Variants in NRXN3 observed in about 807,000 individuals in gnomAD.
NRXN3 encodes the protein neurexin III.
Under a neutral mutation model 137.6 loss-of-function variants are expected in NRXN3, and 32 were observed. That is an observed-to-expected ratio of 0.23 (90% confidence interval 0.18 to 0.31). The LOEUF (loss-of-function observed/expected upper bound fraction) is 0.31, where lower values mean the gene tolerates loss of function less well. Ranked by LOEUF, NRXN3 falls within the 10% of genes least tolerant of loss-of-function variation. The pLI is 1.00. For synonymous variants in NRXN3, 798 were observed against 784.5 expected (o/e 1.02, Z -0.29); for missense variants, 1,574 against 2,062.5 (o/e 0.76, Z 4.59).
At chr14:79,558,399 T>C (rs1419905131) in intron 16 of NRXN3, among the ~76,000 whole-genome samples, 1 of 152,126 alleles carries the variant, frequency 6.6e-6, no homozygotes, top group Non-Finnish European at 1.5e-5. Flanking sequence ...GACATGAAAG[T>C]CAAAATTATT....
chr14:78,685,830 T>C lies in NRXN3; in HGVS notation c.1222-23387T>C, dbSNP rs2098120877. Among the ~76,000 whole-genome samples, 6 of 150,806 alleles carry C rather than the reference T, an allele frequency of 4.0e-5. No individual in the cohort carries two copies. The South Asian group carries it at 1.1e-3, about 26-fold the overall frequency. ...TCTTTCTTTTTTTTTTTTTTTTGTA[T>C]TTAGTAAAGCCTGGGTTTCACAGTG... is the stretch of plus-strand genomic sequence containing the variant. On this transcript the variant is annotated intron_variant, in intron 6 of 20. Coordinates refer to ENST00000335750, the MANE Select transcript of NRXN3 (RefSeq NM_001330195.2).
At chr14:79,661,598 G>C (rs368450677) in intron 16 of NRXN3, 5 of 152,044 alleles carry the variant, frequency 3.3e-5, no homozygotes, top group African/African-American at 9.7e-5. Flanking sequence ...AGGTGTAGTA[G>C]GTGCTTAATA....
intron 4 of NRXN3, among the ~76,000 whole-genome samples, chr14:78,489,456 A>G (rs1274198492): frequency 6.6e-6 from 1 of 152,068 alleles, no homozygotes; most frequent in Non-Finnish European, 1.5e-5. Flanking sequence ...GAGGAATGGG[A>G]AAGTATGTTG....
chr14:79,078,411 G>A (rs919115942), intron 15 of NRXN3, among the ~76,000 whole-genome samples: 3 of 152,068 alleles, frequency 2.0e-5, no homozygotes, highest in Non-Finnish European at 4.4e-5. Flanking sequence ...TACAAATACT[G>A]CCTAGTGGCT....
intron 15 of NRXN3, among the ~76,000 whole-genome samples, chr14:79,424,189 T>A (rs1367405785): frequency 6.6e-6 from 1 of 152,216 alleles, no homozygotes; most frequent in East Asian, 1.9e-4. Context: ...ATACAGAGAC[T>A]ATCATATGGG....
chr14:78,228,520 G>T (rs924038160), intron 1 of NRXN3, among the ~76,000 whole-genome samples: 1 of 152,188 alleles, frequency 6.6e-6, no homozygotes, highest in African/African-American at 2.4e-5. Flanking sequence ...AATGGTCATG[G>T]CTAACATTTA....
At chr14:78,889,757 G>C (rs1432645462) in intron 10 of NRXN3, among the ~76,000 whole-genome samples, 1 of 151,956 alleles carries the variant, frequency 6.6e-6, no homozygotes, top group Non-Finnish European at 1.5e-5. Context: ...TTTGTTTACT[G>C]CAAGTGTGGG....
chr14:79,728,983 G>A (rs1461979528), intron 19 of NRXN3, among the ~76,000 whole-genome samples: 1 of 152,132 alleles, frequency 6.6e-6, no homozygotes, highest in Non-Finnish European at 1.5e-5. Context: ...AGATTCCTGT[G>A]CTACAGTAGA....
At chr14:78,294,808 T>C (rs1416653934) in intron 3 of NRXN3, among the ~76,000 whole-genome samples, 2 of 152,182 alleles carry the variant, frequency 1.3e-5, no homozygotes, top group African/African-American at 4.8e-5. Context: ...TGAGTATATA[T>C]GGCAAATGTG....
intron 15 of NRXN3, among the ~76,000 whole-genome samples, chr14:79,097,915 G>A (rs964874455): frequency 2.6e-5 from 4 of 152,090 alleles, no homozygotes; most frequent in Non-Finnish European, 5.9e-5. Flanking sequence ...ATATACATAC[G>A]AATTCCTAAT....
chr14:79,427,874 C>T (rs1408619149), intron 15 of NRXN3, among the ~76,000 whole-genome samples: 4 of 151,928 alleles, frequency 2.6e-5, no homozygotes, highest in African/African-American at 9.7e-5. Context: ...TCAAAGCAGC[C>T]ATTCATTTAT....
rs1411035085 is a variant in NRXN3, at chr14:79,740,711, TTTATATA to T, written c.4014+42776_4014+42782del. On this transcript the variant is annotated intron_variant, in intron 19 of 20. Coordinates refer to ENST00000335750, the MANE Select transcript of NRXN3 (RefSeq NM_001330195.2). ...TTCCACTGGACTTTGCATTTAGTTTTTTATATATATATATATATATATATATATATAT... is the reference window on the plus strand; with the variant it reads ...TTCCACTGGACTTTGCATTTAGTTTTTATATATATATATATATATATATAT... 1.2e-3 allele frequency among the ~76,000 whole-genome samples: 18 copies of T among 14,918 alleles called. 1 individual carries two copies. Among genetic ancestry groups the T allele is most frequent in the Non-Finnish European group, 1.6e-3 (15 of 9,222 alleles). 9.8% of individuals were successfully genotyped at this position (14,918 alleles called of 152,430 possible).
chr14:79,327,893 T>C (rs2091132197), intron 15 of NRXN3, among the ~76,000 whole-genome samples: 3 of 152,214 alleles, frequency 2.0e-5, no homozygotes. Flanking sequence ...AAAGCCTTTA[T>C]TTAGTTTGGC....
At chr14:78,765,440 A>G (rs2098705851) in intron 8 of NRXN3, among the ~76,000 whole-genome samples, 1 of 152,198 alleles carries the variant, frequency 6.6e-6, no homozygotes, top group Non-Finnish European at 1.5e-5. Context: ...GGCATGAGCC[A>G]CCGAGCCCAG....
intron 15 of NRXN3, chr14:79,246,927 C>T (rs780468899): frequency 1.1e-4 from 17 of 152,234 alleles, no homozygotes; most frequent in Non-Finnish European, 2.2e-4. Flanking sequence ...TTTGGACATT[C>T]TTTGGGTATT....
intron 4 of NRXN3, among the ~76,000 whole-genome samples, chr14:78,523,643 CAAA>C (rs3036598): frequency 0.024 from 1,899 of 77,722 alleles, 23 homozygotes; most frequent in Middle Eastern, 0.061. Context: ...ACTACAAATA[CAAA>C]AAAAAAAAAA....
intron 15 of NRXN3, among the ~76,000 whole-genome samples, chr14:79,047,953 A>G (rs905539542): frequency 7.9e-5 from 12 of 152,206 alleles, no homozygotes; most frequent in Non-Finnish European, 1.5e-5. Flanking sequence ...ATGGAAACAT[A>G]TATACACAAT....
At chr14:78,674,308 C>T (rs1472072736) in intron 6 of NRXN3, among the ~76,000 whole-genome samples, 1 of 152,176 alleles carries the variant, frequency 6.6e-6, no homozygotes, top group African/African-American at 2.4e-5. Flanking sequence ...ACTTCTAACA[C>T]ATTTGTAGGC....
At chr14:78,328,406 T>A (rs1012631817) in intron 4 of NRXN3, among the ~76,000 whole-genome samples, 3 of 152,194 alleles carry the variant, frequency 2.0e-5, no homozygotes, top group Non-Finnish European at 4.4e-5. Context: ...TTGAGTTGCA[T>A]CAATCATCAT....
Sources: allele counts gnomAD v4.1 joint callset (sites outside exome capture counted in the v4.1 genomes callset), GRCh38; gene constraint gnomAD v4.1.1; transcripts MANE v1.5; gene names NCBI Gene and HGNC (gene_info 2026-07-23, HGNC 2026-07-21).